TMEM170A: variants seen among roughly 807,000 people sequenced by gnomAD.
TMEM170A encodes transmembrane protein 170.
TMEM170A carries 18 observed loss-of-function variants against 12.8 expected under a neutral mutation model. The ratio of observed to expected loss-of-function variants is 1.41; its 90% CI spans 0.97 to 2.09. TMEM170A has a LOEUF of 2.09. TMEM170A is among the 30% of genes most tolerant of loss of function. The pLI is 0.00. For synonymous variants in TMEM170A, 107 were observed against 76.2 expected (o/e 1.40, Z -2.11); for missense variants, 220 against 179.9 (o/e 1.22, Z -1.28).
chr16:75,444,418 T>A lies in TMEM170A; in HGVS notation c.*3140A>T. 6.6e-6 allele frequency: 1 copy of A among 152,154 alleles called. No individual in the cohort carries two copies. The highest frequency in any genetic ancestry group is 1.5e-5 in the Non-Finnish European group (1 of 68,070). The allele number at this position is 152,154 out of a possible 1,614,324, so 9.4% of individuals were successfully genotyped here. A position where few individuals can be genotyped will look rare whatever the true frequency, so the allele number is the denominator to read the frequency against. The stretch of plus-strand genomic sequence containing the variant: ...TTGCAGTGAGCCGAGATCATGCCAC[T>A]GCACTCCAGCCTGGGCGACAGAGCA... On this transcript the variant is annotated 3_prime_UTR_variant, in exon 3 of 3. Coordinates refer to ENST00000561878, the MANE Select transcript of TMEM170A (RefSeq NM_145254.3).
chr16:75,444,727 T>C lies in TMEM170A; in HGVS notation c.*2831A>G, dbSNP rs1597428172. 1 of 152,164 alleles carries C rather than the reference T, an allele frequency of 6.6e-6. No individual in the cohort carries two copies. The highest frequency in any genetic ancestry group is 1.9e-4 in the East Asian group (1 of 5,202). 9.4% of individuals were successfully genotyped at this position (152,164 alleles called of 1,614,324 possible). ...TAAAATCTATATATATATATAGATT[T>C]ATTCACTGGAGAATACTTCACCTAC... On this transcript the variant is annotated 3_prime_UTR_variant, in exon 3 of 3. Transcript: ENST00000561878.
chr16:75,458,810 C>T (rs1262262440), intron 1 of TMEM170A: 2 of 152,188 alleles, frequency 1.3e-5, no homozygotes, highest in South Asian at 4.1e-4. Flanking sequence ...ATTCTATATG[C>T]TGACATATCA....
In TMEM170A at chr16:75,464,450, G is replaced by GCGC. The variant is rs765050049; in HGVS notation, c.133+15_133+17dup. 15 of 1,453,860 alleles carry GCGC rather than the reference G, an allele frequency of 1.0e-5. No individual in the cohort carries two copies. The South Asian group carries it at 2.1e-4, about 20-fold the overall frequency. The allele number at this position is 1,453,860 out of a possible 1,614,324, so 90.1% of individuals were successfully genotyped here. The stretch of plus-strand genomic sequence containing the variant: ...CGACGGCGGGGCGCGCAGTGCGCAG[G>GCGC]CGCGGGGCGGGCCGTACCTGGGAAG... On this transcript the variant is annotated intron_variant, in intron 1 of 2. Transcript: ENST00000561878.
rs5817946 is a variant in TMEM170A, at chr16:75,446,183, GAA to G, written c.*1373_*1374del. The G allele has an allele frequency of 0.2, 28,550 of 140,664 alleles. 2,876 individuals are homozygous for G. Among genetic ancestry groups the G allele is most frequent in the Middle Eastern group, 0.24 (67 of 284 alleles). 8.7% of individuals were successfully genotyped at this position (140,664 alleles called of 1,614,324 possible). A position where few individuals can be genotyped will look rare whatever the true frequency, so the allele number is the denominator to read the frequency against. ...CAGTGAGGCTCCGTCTCATTTAAAA[GAA>G]AAAAAAAAAAAAAAGTCAGATTTAA... On this transcript the variant is annotated 3_prime_UTR_variant, in exon 3 of 3. Transcript: ENST00000561878.
Position 75,447,357 on chromosome 16 carries a change from T to A in TMEM170A, c.*201A>T. 1 of 443,124 alleles carries A rather than the reference T, an allele frequency of 2.3e-6. No individual in the cohort carries two copies. The highest frequency in any genetic ancestry group is 3.9e-5 in the East Asian group (1 of 25,854). The allele number at this position is 443,124 out of a possible 1,614,324, so 27.4% of individuals were successfully genotyped here. A position where few individuals can be genotyped will look rare whatever the true frequency, so the allele number is the denominator to read the frequency against. ...AAGAAAGCCAAAAGACTTGTTTTGG[T>A]TGAGAACAATAGGAGTCCACATAAG... is the stretch of plus-strand genomic sequence containing the variant. On this transcript the variant is annotated 3_prime_UTR_variant, in exon 3 of 3. Coordinates refer to ENST00000561878, the MANE Select transcript of TMEM170A (RefSeq NM_145254.3).
At position 75,451,981 on chromosome 16, in the gene TMEM170A, T is replaced by TA; in HGVS notation, c.134-143_134-142insT. 4.0e-6 allele frequency: 3 copies of TA among 756,210 alleles called. No individual in the cohort carries two copies. The South Asian group carries it at 6.7e-5, about 17-fold the overall frequency. 46.8% of individuals were successfully genotyped at this position (756,210 alleles called of 1,614,324 possible). Reference sequence around the variant, plus strand: ...TTTGAAAAATTTTTATTATTTTTAATTTTTTTTTGAGACGGAGTCTCGCTC... The same window carrying TA: ...TTTGAAAAATTTTTATTATTTTTAATATTTTTTTTGAGACGGAGTCTCGCTC... On this transcript the variant is annotated intron_variant, in intron 1 of 2. Transcript: ENST00000561878.
At chr16:75,448,390 T>TA (rs1281420599) in intron 2 of TMEM170A, among the ~76,000 whole-genome samples, 12 of 152,222 alleles carry the variant, frequency 7.9e-5, no homozygotes, top group African/African-American at 2.7e-4. Flanking sequence ...TCTATGCAGA[T>TA]ACCCATTTGA....
At chr16:75,451,625 G>A (rs753608144) in intron 2 of TMEM170A, 44 bp downstream of exon 2, 2 of 1,598,946 alleles carry the variant, frequency 1.3e-6, no homozygotes, top group Admixed American at 1.7e-5. Context: ...AAATTGACTA[G>A]TCATATTAAA....
At chr16:75,462,110 C>G (rs937132229) in intron 1 of TMEM170A, among the ~76,000 whole-genome samples, 3 of 152,198 alleles carry the variant, frequency 2.0e-5, no homozygotes, top group Non-Finnish European at 2.9e-5. Context: ...AATGATCAAA[C>G]TTGGTAGTAA....
chr16:75,455,510 T>C (rs898310568), intron 1 of TMEM170A, among the ~76,000 whole-genome samples: 8 of 152,310 alleles, frequency 5.3e-5, no homozygotes, highest in African/African-American at 1.4e-4. Flanking sequence ...AATGCTTCTA[T>C]GTACTGAGCA....
chr16:75,451,589 A>T lies in TMEM170A; in HGVS notation c.304+80T>A, dbSNP rs749631375. On this transcript the variant is annotated intron_variant, in intron 2 of 2. Coordinates refer to ENST00000561878, the MANE Select transcript of TMEM170A (RefSeq NM_145254.3). ...AGGCACTCTTTCCTTCATCCTACTC[A>T]GATATGTTTTCTAGAATAGGTCCTG... 4.8e-6 allele frequency: 7 copies of T among 1,459,150 alleles called. 1 individual carries two copies. The Admixed American group carries it at 1.2e-4, about 25-fold the overall frequency. 90.4% of individuals were successfully genotyped at this position (1,459,150 alleles called of 1,614,324 possible). A position where few individuals can be genotyped will look rare whatever the true frequency, so the allele number is the denominator to read the frequency against.
At chr16:75,460,553 T>G (rs2079885081) in intron 1 of TMEM170A, among the ~76,000 whole-genome samples, 1 of 152,136 alleles carries the variant, frequency 6.6e-6, no homozygotes, top group Non-Finnish European at 1.5e-5. Flanking sequence ...CTCACTTTCT[T>G]CAGATTTTGA....
chr16:75,462,696 G>T (rs1298785698), intron 1 of TMEM170A, among the ~76,000 whole-genome samples: 1 of 152,106 alleles, frequency 6.6e-6, no homozygotes, highest in African/African-American at 2.4e-5. Context: ...ATTCAAACAA[G>T]GAAGTAACTG....
rs547429730 is a variant in TMEM170A at position 75,446,573 on chromosome 16, G to A, written c.*985C>T. The stretch of plus-strand genomic sequence containing the variant: ...AAAGTGGGCTGAAGAGTTACCACTA[G>A]GTAAACACATTAAGCTAAAAAATCA... On this transcript the variant is annotated 3_prime_UTR_variant, in exon 3 of 3. Transcript: ENST00000561878. 6.6e-6 allele frequency: 1 copy of A among 152,248 alleles called. No individual in the cohort carries two copies. Among genetic ancestry groups the A allele is most frequent in the Non-Finnish European group, 1.5e-5 (1 of 68,022 alleles). The allele number at this position is 152,248 out of a possible 1,614,324, so 9.4% of individuals were successfully genotyped here.
intron 2 of TMEM170A, among the ~76,000 whole-genome samples, chr16:75,450,435 T>A (rs942755422): frequency 6.6e-6 from 1 of 152,170 alleles, no homozygotes; most frequent in African/African-American, 2.4e-5. Flanking sequence ...TCAGTTTATA[T>A]AAAATACACA....
chr16:75,463,782 C>T (rs983452898), intron 1 of TMEM170A, among the ~76,000 whole-genome samples: 15 of 152,248 alleles, frequency 9.9e-5, no homozygotes, highest in Non-Finnish European at 1.6e-4. Flanking sequence ...CTCTTCCTGG[C>T]ATTAGAATTC....
rs1045511861 is a variant in TMEM170A at position 75,448,528 on chromosome 16, C to A, written c.305-840G>T. Among the ~76,000 whole-genome samples the A allele has an allele frequency of 2.6e-5, 4 of 152,170 alleles. No homozygotes were observed. The East Asian group carries it at 5.8e-4, about 22-fold the overall frequency. ...CTGTAATCCCAGCACTTTGGGAGGC[C>A]GAGATGGGTGGATCATCTGAGCTCA... is the stretch of plus-strand genomic sequence containing the variant. On this transcript the variant is annotated intron_variant, in intron 2 of 2. Transcript: ENST00000561878.
chr16:75,458,612 G>C (rs911170763), intron 1 of TMEM170A: 3 of 152,228 alleles, frequency 2.0e-5, no homozygotes, highest in Non-Finnish European at 4.4e-5. Flanking sequence ...AAGGAACACA[G>C]CCCTGCTAAA....
intron 1 of TMEM170A, among the ~76,000 whole-genome samples, chr16:75,459,683 C>G (rs1313543481): frequency 6.6e-6 from 1 of 151,976 alleles, no homozygotes; most frequent in Non-Finnish European, 1.5e-5. Context: ...ACAGTGAAAC[C>G]CCATCTCTAC....
Sources: gnomAD v4.1 joint callset for allele counts (sites outside exome capture counted in the v4.1 genomes callset) on GRCh38, gnomAD v4.1.1 for gene constraint, MANE v1.5 for transcripts, NCBI Gene and HGNC (gene_info 2026-07-23, HGNC 2026-07-21) for gene names.